The following NME1 variants were observed in gnomAD, a reference collection of about 807,000 sequenced individuals.
The protein encoded by NME1 is nucleoside diphosphate kinase A.
NME1 carries 9 observed loss-of-function variants against 17.2 expected under a neutral mutation model. The ratio of observed to expected loss-of-function variants is 0.52; its 90% CI spans 0.32 to 0.92. NME1 has a LOEUF of 0.92. Among genes scored for constraint, NME1 ranks in the 40% least tolerant of loss-of-function variants. The pLI is 0.04. For missense variants in NME1, 169 were observed against 201.7 expected, an observed-to-expected ratio of 0.84 and a Z score of 0.98; for synonymous variants, 72 against 70.8, an observed-to-expected ratio of 1.02 and a Z score of -0.09.
intron 1 of NME1, chr17:51,153,984 G>A (rs2049745580): frequency 1.2e-5 from 3 of 240,480 alleles, no homozygotes; most frequent in Non-Finnish European, 1.7e-5. Context: ...ACGGGTGTGT[G>A]TGTCATTCAT....
chr17:51,157,222 A>G (rs1284436829), intron 2 of NME1, among the ~76,000 whole-genome samples: 9 of 152,126 alleles, frequency 5.9e-5, no homozygotes, highest in Non-Finnish European at 1.3e-4. Context: ...AAAAAGAAAA[A>G]AAAGAAAAGA....
Position 51,155,729 on chromosome 17 carries a change from CA to C in NME1, c.77del (p.Lys26SerfsTer13). 1 of 1,614,164 alleles carries C rather than the reference CA, an allele frequency of 6.2e-7. No homozygotes were observed. Among genetic ancestry groups the C allele is most frequent in the Non-Finnish European group, 8.5e-7 (1 of 1,180,018 alleles). On this transcript the variant is annotated frameshift_variant, in exon 2 of 5. Coordinates refer to ENST00000393196, the MANE Select transcript of NME1 (RefSeq NM_000269.3). LOFTEE classifies it high-confidence loss of function. Reference sequence around the variant, plus strand: ...AGCGGGGTCTTGTGGGAGAGATTATCAAGCGTTTTGAGCAGAAAGGATTCCG... The same window carrying C: ...AGCGGGGTCTTGTGGGAGAGATTATCAGCGTTTTGAGCAGAAAGGATTCCG... ...VQRGLVGEIIKRFEQKGFRLV... is the reference protein window; with the variant it reads ...VQRGLVGEIIXRFEQKGFRLV...
chr17:51,157,594 T>C (rs1356698318), intron 2 of NME1, among the ~76,000 whole-genome samples: 2 of 152,162 alleles, frequency 1.3e-5, no homozygotes, highest in Admixed American at 6.5e-5. Flanking sequence ...ATGGATGTGT[T>C]GTTGATCAGG....
intron 4 of NME1, 117 bp from the exon 5 acceptor site, chr17:51,161,611 A>G (rs777491033): frequency 7.7e-5 from 67 of 865,662 alleles, no homozygotes; most frequent in Middle Eastern, 2.4e-4. Context: ...TTCTTTTAAC[A>G]TGGTCTAATG....
chr17:51,160,609 T>TA, intron 3 of NME1: 1 of 234,708 alleles, frequency 4.3e-6, no homozygotes, highest in Non-Finnish European at 8.4e-6. Context: ...ACTTGGCATT[T>TA]CTTTTTTTTT....
chr17:51,156,937 A>AGGT (rs1402772312), intron 2 of NME1, among the ~76,000 whole-genome samples: 2 of 148,022 alleles, frequency 1.4e-5, no homozygotes, highest in South Asian at 2.1e-4. Context: ...CAGGAGGCGG[A>AGGT]GGTTTCAGTG....
intron 2 of NME1, among the ~76,000 whole-genome samples, chr17:51,157,421 C>T (rs1300714905): frequency 1.3e-5 from 2 of 151,958 alleles, no homozygotes; most frequent in Non-Finnish European, 2.9e-5. Context: ...TATAACAAAC[C>T]CACTCCTGAG....
intron 1 of NME1, chr17:51,154,185 A>G (rs1018314837): frequency 2.0e-5 from 11 of 548,440 alleles, no homozygotes; most frequent in African/African-American, 5.7e-5. Flanking sequence ...AAGTTGCAGA[A>G]TGGTGATAAA....
At chr17:51,154,903 C>A (rs1293559814) in intron 1 of NME1, among the ~76,000 whole-genome samples, 1 of 152,252 alleles carries the variant, frequency 6.6e-6, no homozygotes, top group East Asian at 1.9e-4. Context: ...CTAGTTCCAC[C>A]GCAGTGTTTG....
intron 4 of NME1, 127 bp downstream of exon 4, chr17:51,161,399 C>T: frequency 2.0e-6 from 2 of 982,688 alleles, no homozygotes; most frequent in Non-Finnish European, 1.6e-6. Flanking sequence ...TTATTGTTTT[C>T]CTCCCTCTTA....
chr17:51,161,469 T>C, intron 4 of NME1, 197 bp downstream of exon 4: 1 of 684,802 alleles, frequency 1.5e-6, no homozygotes. Flanking sequence ...ACACGAAGTG[T>C]AGAACCTGGT....
chr17:51,160,345 C>T, intron 3 of NME1: 1 of 538,408 alleles, frequency 1.9e-6, no homozygotes, highest in Non-Finnish European at 3.4e-6. Context: ...ATCTGAATGA[C>T]AAGAAGCAGC....
chr17:51,157,622 G>C (rs2049805953), intron 2 of NME1, among the ~76,000 whole-genome samples: 1 of 152,132 alleles, frequency 6.6e-6, no homozygotes, highest in African/African-American at 2.4e-5. Flanking sequence ...CATATGCTGG[G>C]CACATATGTT....
At chr17:51,154,172 TGG>T in intron 1 of NME1, 2 of 538,648 alleles carry the variant, frequency 3.7e-6, no homozygotes, top group South Asian at 2.3e-5. Flanking sequence ...TTTTTTTTTT[TGG>T]AAGTTGCAGA....
At chr17:51,159,698 G>C (rs777118862) in intron 2 of NME1, among the ~76,000 whole-genome samples, 6 of 132,044 alleles carry the variant, frequency 4.5e-5, no homozygotes, top group Non-Finnish European at 8.5e-5. Flanking sequence ...TTGAGCCCAG[G>C]AGTTTGATTT....
intron 1 of NME1, chr17:51,154,478 G>A (rs773688695): frequency 6.4e-7 from 1 of 1,559,296 alleles, no homozygotes; most frequent in Non-Finnish European, 8.8e-7. Context: ...GTAAAATGAG[G>A]GATCTGGACG....
intron 3 of NME1, 98 bp downstream of exon 3, chr17:51,160,179 A>G: frequency 2.3e-6 from 3 of 1,282,754 alleles, no homozygotes; most frequent in Non-Finnish European, 3.4e-6. Context: ...AATGAGACCA[A>G]ATAGATACCT....
At position 51,161,779 on chromosome 17, in the gene NME1, C is replaced by G; in HGVS notation, c.393C>G (p.Gly131=). The G allele has an allele frequency of 1.9e-6, 3 of 1,614,070 alleles. No individual in the cohort carries two copies. The part of the protein sequence containing the change: ...DSVESAEKEI[G]LWFHPEELVD... ...TGGAGAGTGCAGAGAAGGAGATCGGCTTGTGGTTTCACCCTGAGGAACTGG... is the reference window on the plus strand; with the variant it reads ...TGGAGAGTGCAGAGAAGGAGATCGGGTTGTGGTTTCACCCTGAGGAACTGG... Residue 131 remains glycine (G), a synonymous_variant, in exon 5 of 5, where the codon GGC becomes GGG. Coordinates refer to ENST00000393196, the MANE Select transcript of NME1 (RefSeq NM_000269.3).
At chr17:51,161,357 T>C (rs960571397) in intron 4 of NME1, 85 bp downstream of exon 4, 18 of 1,206,392 alleles carry the variant, frequency 1.5e-5, no homozygotes, top group Non-Finnish European at 2.2e-5. Context: ...GAGGTAGACA[T>C]GATACCATAT....
Sources: gnomAD v4.1 joint callset for allele counts (sites outside exome capture counted in the v4.1 genomes callset) on GRCh38, gnomAD v4.1.1 for gene constraint, MANE v1.5 for transcripts, NCBI Gene and HGNC (gene_info 2026-07-23, HGNC 2026-07-21) for gene names.